Variants in COPS3 observed in about 807,000 individuals in gnomAD.
COPS3 encodes the protein COP9 signalosome complex subunit 3.
Under a neutral mutation model 58.2 loss-of-function variants are expected in COPS3, and 10 were observed. The observed-to-expected ratio is 0.17, with a 90% confidence interval of 0.11 to 0.29. The LOEUF (loss-of-function observed/expected upper bound fraction) is 0.29, where lower values mean the gene tolerates loss of function less well. Among genes scored for constraint, COPS3 ranks in the 10% least tolerant of loss-of-function variants. The pLI, the probability that COPS3 is intolerant of heterozygous loss-of-function variation, is 1.00. For synonymous variants in COPS3, 187 were observed against 181.7 expected, an observed-to-expected ratio of 1.03 and a Z score of -0.24; for missense variants, 333 against 510.1, an observed-to-expected ratio of 0.65 and a Z score of 3.34.
intron 2 of COPS3, among the ~76,000 whole-genome samples, chr17:17,275,704 G>A (rs1228079955): frequency 6.6e-6 from 1 of 152,152 alleles, no homozygotes; most frequent in Non-Finnish European, 1.5e-5. Context: ...AGCATTTTGG[G>A]AGGCCAAGGT....
At chr17:17,272,654 C>T (rs2048378067) in intron 2 of COPS3, among the ~76,000 whole-genome samples, 1 of 152,192 alleles carries the variant, frequency 6.6e-6, no homozygotes, top group South Asian at 2.1e-4. Context: ...ATAATCCCAA[C>T]ACTTTGGGAG....
chr17:17,269,365 C>T (rs896030836), intron 4 of COPS3, among the ~76,000 whole-genome samples: 27 of 152,142 alleles, frequency 1.8e-4, no homozygotes, highest in African/African-American at 6.5e-4. Flanking sequence ...GCGGAAGTTG[C>T]AGTGAGCCGA....
chr17:17,254,827 A>AAAAG (rs1555617243), intron 9 of COPS3, 32 bp downstream of exon 9: 6 of 1,424,400 alleles, frequency 4.2e-6, no homozygotes, highest in African/African-American at 2.9e-5. Context: ...AAAAAAAAAA[A>AAAAG]AAAAAGAAAA....
intron 4 of COPS3, 113 bp from the exon 5 acceptor site, chr17:17,268,090 G>C: frequency 3.0e-6 from 4 of 1,335,068 alleles, no homozygotes; most frequent in Non-Finnish European, 3.9e-6. Context: ...CCTTTAAATA[G>C]CAATATGAGG....
intron 5 of COPS3, among the ~76,000 whole-genome samples, chr17:17,265,340 A>G (rs2048197625): frequency 1.3e-5 from 2 of 152,090 alleles, no homozygotes; most frequent in African/African-American, 4.8e-5. Flanking sequence ...TCAAATTTTC[A>G]GATTAGGAAT....
chr17:17,256,957 G>C (rs2047989833), intron 8 of COPS3, among the ~76,000 whole-genome samples: 2 of 152,088 alleles, frequency 1.3e-5, no homozygotes, highest in Non-Finnish European at 2.9e-5. Context: ...TAGTACCCAA[G>C]AAATTGAAAT....
intron 2 of COPS3, among the ~76,000 whole-genome samples, chr17:17,272,903 A>G (rs1340247272): frequency 6.6e-6 from 1 of 152,244 alleles, no homozygotes; most frequent in Non-Finnish European, 1.5e-5. Context: ...CCTTTTCTCA[A>G]AAAAAGAAAA....
chr17:17,246,841 CA>C lies in COPS3; in HGVS notation c.*256del. On this transcript the variant is annotated 3_prime_UTR_variant, in exon 12 of 12. Coordinates refer to ENST00000268717, the MANE Select transcript of COPS3 (RefSeq NM_003653.4). The stretch of plus-strand genomic sequence containing the variant: ...ACATTAATGTTCAAGCAACTTAAAA[CA>C]AAAAGGTAGATTTAATGCAGTAACA... The C allele has an allele frequency of 2.1e-6, 1 of 472,616 alleles. No homozygotes were observed. Among genetic ancestry groups the C allele is most frequent in the Non-Finnish European group, 3.8e-6 (1 of 263,584 alleles). The allele number at this position is 472,616 out of a possible 1,614,324, so 29.3% of individuals were successfully genotyped here. A position where few individuals can be genotyped will look rare whatever the true frequency, so the allele number is the denominator to read the frequency against.
intron 1 of COPS3, chr17:17,280,722 CTA>C (rs1392723539): frequency 1.7e-5 from 21 of 1,255,448 alleles, no homozygotes; most frequent in Non-Finnish European, 2.2e-5. Context: ...TCCCGGCGGC[CTA>C]GTCAGCAAGC....
intron 11 of COPS3, 59 bp downstream of exon 11, chr17:17,247,421 T>G: frequency 6.7e-7 from 1 of 1,481,556 alleles, no homozygotes. Flanking sequence ...GTGCCTGATG[T>G]GACAACACCC....
intron 6 of COPS3, 105 bp downstream of exon 6, chr17:17,264,697 G>A: frequency 1.1e-6 from 1 of 876,248 alleles, no homozygotes; most frequent in South Asian, 1.8e-5. Flanking sequence ...ACCAACACCT[G>A]AAACGGAGGC....
chr17:17,251,797 G>C (rs536387756), intron 9 of COPS3, among the ~76,000 whole-genome samples: 1 of 152,122 alleles, frequency 6.6e-6, no homozygotes, highest in African/African-American at 2.4e-5. Context: ...TAGAAGTCAG[G>C]ATGGGAGGCC....
chr17:17,260,198 C>CT, intron 8 of COPS3, 103 bp downstream of exon 8: 4 of 1,148,488 alleles, frequency 3.5e-6, no homozygotes, highest in Non-Finnish European at 5.0e-6. Flanking sequence ...TCCTGCCATG[C>CT]TTTATCCCTG....
chr17:17,265,890 C>G (rs1470445598), intron 5 of COPS3, among the ~76,000 whole-genome samples: 1 of 152,136 alleles, frequency 6.6e-6, no homozygotes, highest in African/African-American at 2.4e-5. Context: ...TGGTGTGATA[C>G]AAGTAGAAGT....
chr17:17,279,498 G>A (rs1472156028), intron 1 of COPS3, among the ~76,000 whole-genome samples: 1 of 152,124 alleles, frequency 6.6e-6, no homozygotes, highest in Non-Finnish European at 1.5e-5. Context: ...TGCCTTCCCT[G>A]TGAACCTCAT....
At chr17:17,270,723 A>C in intron 4 of COPS3, 35 bp downstream of exon 4, 1 of 1,535,928 alleles carries the variant, frequency 6.5e-7, no homozygotes, top group Non-Finnish European at 8.9e-7. Context: ...TACATATTAT[A>C]ACAAAACTAG....
chr17:17,263,840 A>G (rs1189273338), intron 6 of COPS3, among the ~76,000 whole-genome samples: 1 of 152,182 alleles, frequency 6.6e-6, no homozygotes, highest in East Asian at 1.9e-4. Context: ...ACACCCACTC[A>G]TCCTGATATT....
rs1362220418 is a variant in COPS3 at position 17,254,824 on chromosome 17, A to AAAG, written c.1023+34_1023+35insCTT. 3 of 1,386,672 alleles carry AAAG rather than the reference A, an allele frequency of 2.2e-6. No homozygotes were observed. In the African/African-American group the frequency reaches 4.5e-5, roughly 21 times the overall value. The allele number at this position is 1,386,672 out of a possible 1,614,324, so 85.9% of individuals were successfully genotyped here. A position where few individuals can be genotyped will look rare whatever the true frequency, so the allele number is the denominator to read the frequency against. Reference sequence around the variant, plus strand: ...ACTCCATCTCAAAAAGAAAAAAAAAAAAAAAAAAGAAAAAGAAAAAGAAAA... The same window carrying AAAG: ...ACTCCATCTCAAAAAGAAAAAAAAAAAAGAAAAAAAAGAAAAAGAAAAAGAAAA... On this transcript the variant is annotated intron_variant, in intron 9 of 11. Transcript: ENST00000268717.
intron 8 of COPS3, among the ~76,000 whole-genome samples, chr17:17,258,319 G>A (rs2048023075): frequency 6.6e-6 from 1 of 152,114 alleles, no homozygotes. Context: ...TTTTTTTTGA[G>A]ACGGAGTCTC....
Sources: gnomAD v4.1 joint callset for allele counts (sites outside exome capture counted in the v4.1 genomes callset) on GRCh38, gnomAD v4.1.1 for gene constraint, MANE v1.5 for transcripts, NCBI Gene and HGNC (gene_info 2026-07-23, HGNC 2026-07-21) for gene names.